Variants in PAH observed in about 807,000 individuals in gnomAD.
PAH encodes the protein phenylalanine hydroxylase.
Under a neutral mutation model 62.0 loss-of-function variants are expected in PAH, and 64 were observed. That is an observed-to-expected ratio of 1.03 (90% CI 0.84 to 1.27). The LOEUF is 1.27. Ranked by LOEUF, PAH falls within the 50% of genes most tolerant of loss-of-function variation. The pLI is 0.00. For synonymous variants in PAH, 195 were observed against 196.2 expected, an observed-to-expected ratio of 0.99 and a Z score of 0.05; for missense variants, 579 against 542.8, an observed-to-expected ratio of 1.07 and a Z score of -0.66.
In PAH at chr12:102,837,655, G is replaced by C. The variant is rs1255455064; in HGVS notation, c.*1520C>G. ...AGTGGATCAGGCATAGCTATATAAA[G>C]ACACATATGAACACTTGAATCATAT... On this transcript the variant is annotated 3_prime_UTR_variant, in exon 13 of 13. Transcript: ENST00000553106. 2 of 152,164 alleles carry C rather than the reference G, an allele frequency of 1.3e-5. No individual in the cohort carries two copies. Among genetic ancestry groups the C allele is most frequent in the Non-Finnish European group, 2.9e-5 (2 of 68,044 alleles). 9.4% of individuals were successfully genotyped at this position (152,164 alleles called of 1,614,324 possible). A position where few individuals can be genotyped will look rare whatever the true frequency, so the allele number is the denominator to read the frequency against.
chr12:102,877,394 G>A, intron 4 of PAH, 68 bp downstream of exon 4: 7 of 1,060,688 alleles, frequency 6.6e-6, no homozygotes, highest in Non-Finnish European at 1.0e-5. Context: ...AGTAGAGAAG[G>A]TAAGAGGAAG....
chr12:102,902,534 C>T (rs376272432), intron 2 of PAH, among the ~76,000 whole-genome samples: 3 of 152,250 alleles, frequency 2.0e-5, no homozygotes, highest in East Asian at 3.9e-4. Context: ...TTGGAGAAGT[C>T]GCAAGGAGAT....
Position 102,838,268 on chromosome 12 carries a change from T to A in PAH, c.*907A>T, listed in dbSNP as rs1934110336. On this transcript the variant is annotated 3_prime_UTR_variant, in exon 13 of 13. Coordinates refer to ENST00000553106, the MANE Select transcript of PAH (RefSeq NM_000277.3). ...TACAAAACTATCTAGCTAATGTATT[T>A]CTAAGGCAGTGAGAGGAATATTTCA... 6.6e-6 allele frequency: 1 copy of A among 152,240 alleles called. No homozygotes were observed. Among genetic ancestry groups the A allele is most frequent in the Admixed American group, 6.5e-5 (1 of 15,288 alleles). 9.4% of individuals were successfully genotyped at this position (152,240 alleles called of 1,614,324 possible). A position where few individuals can be genotyped will look rare whatever the true frequency, so the allele number is the denominator to read the frequency against.
At chr12:102,880,668 C>T (rs1290957788) in intron 3 of PAH, among the ~76,000 whole-genome samples, 1 of 152,078 alleles carries the variant, frequency 6.6e-6, no homozygotes, top group Non-Finnish European at 1.5e-5. Flanking sequence ...TGAGCACCTC[C>T]TGCGTACCAA....
chr12:102,958,283 CCAG>C lies in PAH; in HGVS notation c.-187_-185del, dbSNP rs766595520. 3 of 1,476,040 alleles carry C rather than the reference CCAG, an allele frequency of 2.0e-6. No individual in the cohort carries two copies. In the East Asian group the frequency reaches 8.9e-5, roughly 44 times the overall value. The allele number at this position is 1,476,040 out of a possible 1,614,324, so 91.4% of individuals were successfully genotyped here. ...CCAAGATGGAGAGCGGCGGCGCCGG[CCAG>C]CAGCCCCAGCCGCAGCCCCAGCAGC... On this transcript the variant is annotated 5_prime_UTR_variant, in exon 1 of 5. Transcript: ENST00000551337.
intron 8 of PAH, 69 bp from the exon 9 acceptor site, chr12:102,847,020 G>T: frequency 7.3e-7 from 1 of 1,371,456 alleles, no homozygotes; most frequent in Non-Finnish European, 1.0e-6. Context: ...CCTAGTACTT[G>T]GCCATAAAAA....
In PAH at chr12:102,917,092, C is replaced by T; in HGVS notation, c.39G>A (p.Arg13=). The change falls in exon 1 of 13, where the codon AGG becomes AGA. Residue 13 remains arginine, a synonymous_variant. Transcript: ENST00000553106. ...TCACCTGTCCAAAGTCAGAGAGTTTCCTGCCCAAGCCTGGGTTTTCCAGGA... is the reference window on the plus strand; with the variant it reads ...TCACCTGTCCAAAGTCAGAGAGTTTTCTGCCCAAGCCTGGGTTTTCCAGGA... ...TAVLENPGLG[R]KLSDFGQETS... is the part of the protein sequence containing the mutation. The T allele has an allele frequency of 1.9e-6, 3 of 1,614,214 alleles. No individual in the cohort carries two copies. The highest frequency in any genetic ancestry group is 1.1e-5 in the South Asian group (1 of 91,080).
intron 1 of PAH, among the ~76,000 whole-genome samples, chr12:102,938,161 A>G (rs1030438582): frequency 1.9e-4 from 29 of 152,182 alleles, no homozygotes; most frequent in Non-Finnish European, 2.9e-5. Context: ...ATGAGGCAGG[A>G]CAGCTGCCCA....
chr12:102,881,706 C>T (rs1035509874), intron 3 of PAH, among the ~76,000 whole-genome samples: 3 of 152,162 alleles, frequency 2.0e-5, no homozygotes, highest in Admixed American at 6.5e-5. Context: ...TGAGATCAAG[C>T]AGTATTTGTC....
chr12:102,846,918 C>A lies in PAH; in HGVS notation c.946G>T (p.Glu316Ter). 1 of 1,613,656 alleles carries A rather than the reference C, an allele frequency of 6.2e-7. No homozygotes were observed. The highest frequency in any genetic ancestry group is 8.5e-7 in the Non-Finnish European group (1 of 1,179,652). Reference protein sequence around the residue: ...IGLASLGAPDEYIEKLATIYW... With the variant: ...IGLASLGAPD The stretch of plus-strand genomic sequence containing the variant: ...ACTGTGGCGAGCTTTTCAATGTATT[C>A]ATCAGGTGCACCCAGAGAGGCAAGG... The change falls in exon 9 of 13, where the codon GAA (glutamate) becomes TAA (stop). Residue 316 changes from glutamate to a stop codon, truncating the protein, a stop_gained. Coordinates refer to ENST00000553106, the MANE Select transcript of PAH (RefSeq NM_000277.3). LOFTEE classifies it high-confidence loss of function.
intron 2 of PAH, among the ~76,000 whole-genome samples, chr12:102,907,749 G>A (rs557011592): frequency 5.1e-4 from 78 of 152,138 alleles, no homozygotes; most frequent in African/African-American, 1.9e-3. Flanking sequence ...CACCTTAGTA[G>A]CTGGGATTAC....
At chr12:102,848,649 A>G (rs71466237) in intron 8 of PAH, among the ~76,000 whole-genome samples, 43 of 125,034 alleles carry the variant, frequency 3.4e-4, no homozygotes, top group Non-Finnish European at 6.3e-4. Context: ...GTAGAGGGTA[A>G]ACAGGACACC....
At chr12:102,890,291 T>C (rs1243609878) in intron 3 of PAH, among the ~76,000 whole-genome samples, 1 of 152,228 alleles carries the variant, frequency 6.6e-6, no homozygotes, top group Admixed American at 6.5e-5. Context: ...AAGGGCATTT[T>C]GTCCGGAGAA....
chr12:102,936,688 G>A (rs1215040307), intron 1 of PAH, among the ~76,000 whole-genome samples: 1 of 152,130 alleles, frequency 6.6e-6, no homozygotes, highest in African/African-American at 2.4e-5. Context: ...TTGTCTAAAT[G>A]TAGCTACTCC....
At chr12:102,955,199 G>C (rs1879876518), upstream of PAH, among the ~76,000 whole-genome samples, 2 of 152,328 alleles carry the variant, frequency 1.3e-5, no homozygotes, top group East Asian at 1.9e-4. Context: ...TGTGTGTAGG[G>C]GGGAGGAGGA....
At chr12:102,956,621 C>T (rs1168397146) in intron 1 of PAH, among the ~76,000 whole-genome samples, 1 of 152,168 alleles carries the variant, frequency 6.6e-6, no homozygotes, top group East Asian at 1.9e-4. Context: ...TCACTCAACC[C>T]CCGCCCCGCA....
At chr12:102,875,651 G>C (rs1397990143) in intron 4 of PAH, among the ~76,000 whole-genome samples, 1 of 152,084 alleles carries the variant, frequency 6.6e-6, no homozygotes, top group Non-Finnish European at 1.5e-5. Flanking sequence ...ATGGAATGGG[G>C]GTCAAAAGTC....
upstream of PAH, chr12:102,953,272 CT>C (rs143762761): frequency 4.6e-3 from 707 of 152,282 alleles, 6 homozygotes; most frequent in African/African-American, 0.016. Flanking sequence ...CCCTTTGCCC[CT>C]GATTCAGAAT....
intron 4 of PAH, among the ~76,000 whole-genome samples, chr12:102,871,963 T>A (rs1266646709): frequency 4.4e-5 from 5 of 114,708 alleles, no homozygotes; most frequent in South Asian, 5.5e-4. Context: ...TATATATATA[T>A]ATATATATAT....
Sources: allele counts gnomAD v4.1 joint callset (sites outside exome capture counted in the v4.1 genomes callset), GRCh38; gene constraint gnomAD v4.1.1; transcripts MANE v1.5; gene names NCBI Gene and HGNC (gene_info 2026-07-23, HGNC 2026-07-21).